KLF12: variants seen among roughly 807,000 people sequenced by gnomAD.
KLF12 encodes the protein KLF transcription factor 12.
A neutral mutation model predicts 37.8 loss-of-function variants in KLF12; 9 were observed. The ratio of observed to expected loss-of-function variants is 0.24; its 90% confidence interval spans 0.14 to 0.42. The LOEUF is 0.42. KLF12 is among the 10% of genes least tolerant of loss of function. KLF12 has a pLI of 1.00. For missense variants in KLF12, 411 were observed against 516.0 expected (o/e 0.80, Z 1.97); for synonymous variants, 208 against 202.1 (o/e 1.03, Z -0.25).
Position 73,713,181 on chromosome 13 carries a change from C to T in KLF12, c.1027+2187G>A, listed in dbSNP as rs893748193. On this transcript the variant is annotated intron_variant, in intron 7 of 7. Transcript: ENST00000377669. ...TGGTTCATGACAGTGTTGAGAGGAA[C>T]ACCGGGGCCAGTGAGTGAAAATTAT... 2.0e-5 allele frequency among the ~76,000 whole-genome samples: 3 copies of T among 152,154 alleles called. No homozygotes were observed. The East Asian group carries it at 5.8e-4, about 29-fold the overall frequency.
chr13:74,265,178 A>C, the KLF12 span, among the ~76,000 whole-genome samples: 3 of 152,132 alleles, frequency 2.0e-5, no homozygotes, highest in African/African-American at 7.2e-5. Context: ...TTCTCTTGTC[A>C]GTTGGGGATA....
intron 3 of KLF12, among the ~76,000 whole-genome samples, chr13:73,892,706 A>G (rs538566553): frequency 9.5e-4 from 144 of 152,318 alleles, no homozygotes; most frequent in African/African-American, 3.3e-3. Flanking sequence ...CTAGAGAAAG[A>G]CATCTAAGTT....
At chr13:74,137,753 TTTTATTTA>T (rs1217911193), upstream of KLF12, among the ~76,000 whole-genome samples, 7 of 151,946 alleles carry the variant, frequency 4.6e-5, no homozygotes, top group African/African-American at 1.7e-4. Flanking sequence ...TTATTTTTTA[TTTTATTTA>T]TTTATTTATT....
chr13:74,126,453 ATTT>A (rs990220876), intron 1 of KLF12, among the ~76,000 whole-genome samples: 1 of 151,938 alleles, frequency 6.6e-6, no homozygotes, highest in East Asian at 1.9e-4. Context: ...GTTCTATTTC[ATTT>A]TTTTCACAAT....
At chr13:73,892,968 T>C (rs892016288) in intron 3 of KLF12, among the ~76,000 whole-genome samples, 34 of 151,878 alleles carry the variant, frequency 2.2e-4, no homozygotes, top group African/African-American at 7.2e-4. Context: ...AGCACTCTTA[T>C]GGAAATGTAA....
At chr13:74,289,873 A>C in the KLF12 span, among the ~76,000 whole-genome samples, 10 of 152,342 alleles carry the variant, frequency 6.6e-5, 1 homozygote, top group African/African-American at 2.4e-4. Flanking sequence ...ATTAAAGGAC[A>C]GCCACCTTAT....
chr13:73,951,951 A>G (rs1327450712), intron 2 of KLF12, among the ~76,000 whole-genome samples: 2 of 152,228 alleles, frequency 1.3e-5, no homozygotes, highest in African/African-American at 2.4e-5. Context: ...GTAAATAAAT[A>G]TCTGTTGGAC....
At chr13:74,278,760 G>A in the KLF12 span, among the ~76,000 whole-genome samples, 1 of 152,160 alleles carries the variant, frequency 6.6e-6, no homozygotes, top group African/African-American at 2.4e-5. Flanking sequence ...TTTCTGCCAT[G>A]GGATATTTTT....
chr13:74,082,249 C>T (rs1350626983), intron 1 of KLF12, among the ~76,000 whole-genome samples: 2 of 151,794 alleles, frequency 1.3e-5, no homozygotes, highest in African/African-American at 2.4e-5. Context: ...AAGAGGATCA[C>T]CTGACCCCAG....
At chr13:73,893,158 T>G (rs978507122) in intron 3 of KLF12, among the ~76,000 whole-genome samples, 5 of 152,138 alleles carry the variant, frequency 3.3e-5, no homozygotes, top group African/African-American at 1.2e-4. Context: ...TCCGCAATGC[T>G]TTTCCAATTA....
chr13:73,902,133 A>C (rs1888069017), intron 3 of KLF12, among the ~76,000 whole-genome samples: 2 of 152,240 alleles, frequency 1.3e-5, no homozygotes, highest in African/African-American at 4.8e-5. Flanking sequence ...AAAGGAAAAG[A>C]ACAAAAGTGT....
At chr13:74,008,274 T>C (rs1326600119) in intron 1 of KLF12, among the ~76,000 whole-genome samples, 1 of 152,190 alleles carries the variant, frequency 6.6e-6, no homozygotes, top group Non-Finnish European at 1.5e-5. Context: ...AGTATATGCA[T>C]GAGTCACTCC....
Position 73,993,187 on chromosome 13 carries a change from G to A in KLF12, c.33+1803C>T, listed in dbSNP as rs147653260. Among the ~76,000 whole-genome samples, 221 of 152,286 alleles carry A rather than the reference G, an allele frequency of 1.5e-3. 2 individuals carry two copies. The highest frequency in any genetic ancestry group is 5.0e-3 in the African/African-American group (208 of 41,560). Reference sequence around the variant, plus strand: ...GCAGAGGTTGCAGTAAGCCGAGATCGCGCCACTGCATTCCAACCTGGGTGA... The same window carrying A: ...GCAGAGGTTGCAGTAAGCCGAGATCACGCCACTGCATTCCAACCTGGGTGA... On this transcript the variant is annotated intron_variant, in intron 2 of 7. Coordinates refer to ENST00000377669, the MANE Select transcript of KLF12 (RefSeq NM_007249.5).
intron 7 of KLF12, among the ~76,000 whole-genome samples, chr13:73,711,792 A>G (rs964531762): frequency 6.6e-6 from 1 of 152,206 alleles, no homozygotes; most frequent in Non-Finnish European, 1.5e-5. Context: ...TTTAAGAAAT[A>G]CATTTCGTAA....
chr13:73,718,353 C>G (rs1448797411), intron 6 of KLF12, among the ~76,000 whole-genome samples: 1 of 152,190 alleles, frequency 6.6e-6, no homozygotes. Flanking sequence ...GAAACAAAAA[C>G]AAAGGCTACA....
chr13:74,250,968 G>A, the KLF12 span, among the ~76,000 whole-genome samples: 1 of 152,070 alleles, frequency 6.6e-6, no homozygotes, highest in East Asian at 1.9e-4. Flanking sequence ...CTTCTCAAGG[G>A]AGCCCAGGAT....
At chr13:74,211,143 T>C in the KLF12 span, among the ~76,000 whole-genome samples, 1 of 152,170 alleles carries the variant, frequency 6.6e-6, no homozygotes. Context: ...TCTGAATCAT[T>C]ACTCAACTTA....
At position 74,088,081 on chromosome 13, in the gene KLF12, G is replaced by A. The variant is rs533897713; in HGVS notation, c.-32+45658C>T. 2.0e-3 allele frequency among the ~76,000 whole-genome samples: 312 copies of A among 152,218 alleles called. 1 individual carries two copies. Among genetic ancestry groups the A allele is most frequent in the Middle Eastern group, 0.01 (3 of 294 alleles). On this transcript the variant is annotated intron_variant, in intron 1 of 7. Coordinates refer to ENST00000377669, the MANE Select transcript of KLF12 (RefSeq NM_007249.5). ...GACTGGAAAACAAAAGCATGGTCTT[G>A]CTCTCTTTCAGCATCATGGGGCACA...
the KLF12 span, among the ~76,000 whole-genome samples, chr13:74,154,593 A>G: frequency 3.3e-5 from 5 of 152,128 alleles, no homozygotes. Context: ...GCTTCCCTGA[A>G]GTCAGGAAAG....
Sources: gnomAD v4.1 joint callset for allele counts (sites outside exome capture counted in the v4.1 genomes callset) on GRCh38, gnomAD v4.1.1 for gene constraint, MANE v1.5 for transcripts, NCBI Gene and HGNC (gene_info 2026-07-23, HGNC 2026-07-21) for gene names.